SEPTIN9: variants seen among roughly 807,000 people sequenced by gnomAD.
SEPTIN9 encodes septin 9.
Under a neutral mutation model 56.6 loss-of-function variants are expected in SEPTIN9, and 13 were observed. The observed-to-expected ratio is 0.23, with a 90% CI of 0.15 to 0.37. The LOEUF is 0.37. Among genes scored for constraint, SEPTIN9 ranks in the 10% least tolerant of loss-of-function variants. The pLI, the probability that SEPTIN9 is intolerant of heterozygous loss-of-function variation, is 1.00. For synonymous variants in SEPTIN9, 332 were observed against 334.1 expected (o/e 0.99, Z 0.07); for missense variants, 650 against 823.1 (o/e 0.79, Z 2.57).
chr17:77,282,902 C>T (rs889652960), intron 1 of SEPTIN9, among the ~76,000 whole-genome samples: 11 of 152,196 alleles, frequency 7.2e-5, no homozygotes, highest in South Asian at 2.1e-4. Flanking sequence ...ATCTCTAGCC[C>T]GCCCAGGGAG....
rs1441605998 is a variant in SEPTIN9, at chr17:77,499,255, C to T, written c.*597C>T. 1.7e-6 allele frequency: 1 copy of T among 596,844 alleles called. No individual in the cohort carries two copies. Among genetic ancestry groups the T allele is most frequent in the East Asian group, 3.4e-5 (1 of 29,548 alleles). 37.0% of individuals were successfully genotyped at this position (596,844 alleles called of 1,614,324 possible). On this transcript the variant is annotated 3_prime_UTR_variant, in exon 12 of 12. Coordinates refer to ENST00000427177, the MANE Select transcript of SEPTIN9 (RefSeq NM_001113491.2). Reference sequence around the variant, plus strand: ...CCGACTGCCCAGCCACTCCAAGCCCCCTGGCAGCTGCCCCTCCTGGAGCAG... The same window carrying T: ...CCGACTGCCCAGCCACTCCAAGCCCTCTGGCAGCTGCCCCTCCTGGAGCAG...
intron 4 of SEPTIN9, 61 bp downstream of exon 4, chr17:77,482,396 C>T (rs749650512): frequency 1.8e-5 from 28 of 1,555,746 alleles, no homozygotes; most frequent in South Asian, 1.2e-4. Flanking sequence ...GCCCCCAGGG[C>T]GGCCCACAAG....
intron 2 of SEPTIN9, among the ~76,000 whole-genome samples, chr17:77,328,826 A>G (rs9891663): frequency 0.13 from 20,043 of 152,150 alleles, 1,725 homozygotes; most frequent in South Asian, 0.23. Flanking sequence ...GTGGTTTTAG[A>G]TGAGGACTGT....
intron 2 of SEPTIN9, among the ~76,000 whole-genome samples, chr17:77,315,426 T>C (rs552593508): frequency 2.6e-5 from 4 of 152,264 alleles, no homozygotes; most frequent in African/African-American, 7.2e-5. Flanking sequence ...TAGCTGGGAT[T>C]ACAGGCATGC....
chr17:77,498,391 A>G, intron 11 of SEPTIN9, 132 bp from the exon 12 acceptor site: 1 of 654,026 alleles, frequency 1.5e-6, no homozygotes, highest in Non-Finnish European at 2.7e-6. Flanking sequence ...TGGGGAGCCA[A>G]GCAGTCGGGA....
chr17:77,333,677 T>A (rs2033443539), intron 2 of SEPTIN9, among the ~76,000 whole-genome samples: 2 of 152,384 alleles, frequency 1.3e-5, no homozygotes, highest in Non-Finnish European at 2.9e-5. Flanking sequence ...GCAAAGATAT[T>A]TATGTTTTCC....
At chr17:77,387,810 C>T (rs1259799243) in intron 2 of SEPTIN9, among the ~76,000 whole-genome samples, 3 of 152,128 alleles carry the variant, frequency 2.0e-5, no homozygotes, top group Non-Finnish European at 4.4e-5. Flanking sequence ...ACACTTGTCA[C>T]TTCTGTGGAC....
rs527602646 is a variant in SEPTIN9 at position 77,435,396 on chromosome 17, C to G, written c.721+32693C>G. Among the ~76,000 whole-genome samples the G allele has an allele frequency of 6.6e-6, 1 of 152,318 alleles. No homozygotes were observed. The highest frequency in any genetic ancestry group is 2.1e-4 in the South Asian group (1 of 4,826). ...CTGTGGCTTCTTGAGGTGGCTCACC[C>G]CTAAACACGCCCCCCATGGTGGCTC... On this transcript the variant is annotated intron_variant, in intron 3 of 11. Coordinates refer to ENST00000427177, the MANE Select transcript of SEPTIN9 (RefSeq NM_001113491.2). The surrounding 1 kb of genome is among the most constrained non-coding windows in gnomAD (Gnocchi z 4.5).
intron 2 of SEPTIN9, among the ~76,000 whole-genome samples, chr17:77,393,364 G>A (rs1966892461): frequency 6.6e-6 from 1 of 152,140 alleles, no homozygotes. Context: ...GAGGGCTTGG[G>A]CACTAGGAAA....
chr17:77,479,170 TAAAAGG>T (rs914593714), intron 3 of SEPTIN9, among the ~76,000 whole-genome samples: 49 of 152,276 alleles, frequency 3.2e-4, no homozygotes, highest in Middle Eastern at 3.4e-3. Context: ...TTATGACAAT[TAAAAGG>T]AAAAGTCACG....
Position 77,492,092 on chromosome 17 carries a change from A to G in SEPTIN9, c.1381-529A>G, listed in dbSNP as rs1394022490. 1.3e-5 allele frequency among the ~76,000 whole-genome samples: 2 copies of G among 152,114 alleles called. No homozygotes were observed. Among genetic ancestry groups the G allele is most frequent in the South Asian group, 2.1e-4 (1 of 4,826 alleles). ...TGTCAGGGACCTTCCCAGCATGTGC[A>G]GGGGAAGACAGTCCACACAAAGTGG... On this transcript the variant is annotated intron_variant, in intron 8 of 11. Coordinates refer to ENST00000427177, the MANE Select transcript of SEPTIN9 (RefSeq NM_001113491.2). This position sits in a 1 kb window ranked among gnomAD's most constrained non-coding sequence, Gnocchi z 5.4.
intron 3 of SEPTIN9, among the ~76,000 whole-genome samples, chr17:77,480,641 G>A (rs1008448217): frequency 1.6e-4 from 24 of 152,198 alleles, no homozygotes; most frequent in Admixed American, 5.2e-4. Context: ...GCAGCCTCCC[G>A]TGCTGTGGCC....
At chr17:77,490,893 T>G (rs1401024921) in intron 8 of SEPTIN9, 34 bp downstream of exon 8, 1 of 1,504,328 alleles carries the variant, frequency 6.6e-7, no homozygotes. Flanking sequence ...CCAGCCCTTC[T>G]GTGCAACCTG....
At chr17:77,322,597 T>C (rs1302930525) in intron 2 of SEPTIN9, 1 of 152,248 alleles carries the variant, frequency 6.6e-6, no homozygotes, top group Non-Finnish European at 1.5e-5. Context: ...GGAAGTGACT[T>C]CCTTCCTGTC....
intron 3 of SEPTIN9, among the ~76,000 whole-genome samples, chr17:77,416,784 G>A (rs1195280669): frequency 2.0e-5 from 3 of 152,084 alleles, no homozygotes; most frequent in Non-Finnish European, 4.4e-5. Context: ...CACCTGGATG[G>A]CCAGTCCCAG....
intron 3 of SEPTIN9, among the ~76,000 whole-genome samples, chr17:77,415,558 G>A (rs1053916602): frequency 2.6e-5 from 4 of 151,578 alleles, no homozygotes; most frequent in African/African-American, 9.7e-5. Context: ...AACCTAGGAG[G>A]TGGAGGTTGC....
chr17:77,320,197 A>G, intron 2 of SEPTIN9: 1 of 1,598,800 alleles, frequency 6.3e-7, no homozygotes, highest in South Asian at 1.1e-5. Flanking sequence ...AGACCAGACA[A>G]AGAGTGTTTT....
chr17:77,438,847 C>G (rs2037445770), intron 3 of SEPTIN9, among the ~76,000 whole-genome samples: 1 of 152,180 alleles, frequency 6.6e-6, no homozygotes, highest in African/African-American at 2.4e-5. Flanking sequence ...ATAAATTCCC[C>G]TGTGGATCTC....
At chr17:77,292,989 CATTTATTTATTTATTT>C (rs138504683) in intron 1 of SEPTIN9, among the ~76,000 whole-genome samples, 1 of 116,260 alleles carries the variant, frequency 8.6e-6, no homozygotes, top group Admixed American at 8.9e-5. Context: ...ACCGCTTGAG[CATTTATTTATTTATTT>C]ATTTATTTAT....
Sources: allele counts gnomAD v4.1 joint callset (sites outside exome capture counted in the v4.1 genomes callset), GRCh38; gene constraint gnomAD v4.1.1; non-coding constraint Gnocchi (gnomAD v3.1); transcripts MANE v1.5; gene names NCBI Gene and HGNC (gene_info 2026-07-23, HGNC 2026-07-21).